The following PAXBP1 variants were observed in gnomAD, a reference collection of about 807,000 sequenced individuals.
The protein encoded by PAXBP1 is PAX3 and PAX7 binding protein 1, also known as PAX3- and PAX7-binding protein 1.
A neutral mutation model predicts 119.9 loss-of-function variants in PAXBP1; 44 were observed. The ratio of observed to expected loss-of-function variants is 0.37; its 90% CI spans 0.29 to 0.47. The LOEUF is 0.47. Ranked by LOEUF, PAXBP1 falls within the 20% of genes least tolerant of loss-of-function variation. The pLI, the probability that PAXBP1 is intolerant of heterozygous loss-of-function variation, is 0.99. For missense variants in PAXBP1, 898 were observed against 1,134.1 expected, an observed-to-expected ratio of 0.79 and a Z score of 2.99; for synonymous variants, 393 against 406.6, an observed-to-expected ratio of 0.97 and a Z score of 0.40.
At chr21:32,768,503 C>T (rs555573255) in intron 2 of PAXBP1, among the ~76,000 whole-genome samples, 1 of 152,266 alleles carries the variant, frequency 6.6e-6, no homozygotes, top group African/African-American at 2.4e-5. Flanking sequence ...TCCACTTCTC[C>T]CCCTAAAACA....
intron 15 of PAXBP1, among the ~76,000 whole-genome samples, chr21:32,739,940 A>AAAC (rs1352190435): frequency 6.2e-5 from 7 of 112,688 alleles, no homozygotes; most frequent in Non-Finnish European, 1.8e-5. Context: ...CGTCTCTTTA[A>AAAC]AAAAAAAAAA....
intron 3 of PAXBP1, 102 bp from the exon 4 acceptor site, chr21:32,762,419 G>A: frequency 6.9e-7 from 1 of 1,441,576 alleles, no homozygotes; most frequent in South Asian, 1.5e-5. Flanking sequence ...TCATCACAGT[G>A]ATGTTTCAGC....
intron 11 of PAXBP1, 60 bp from the exon 12 acceptor site, chr21:32,745,778 TATG>T (rs2043862882): frequency 1.3e-6 from 2 of 1,590,114 alleles, no homozygotes; most frequent in South Asian, 1.1e-5. Flanking sequence ...TGCTTCCAGC[TATG>T]ATAAGAGAAA....
intron 5 of PAXBP1, 23 bp downstream of exon 5, chr21:32,761,036 T>C: frequency 6.4e-7 from 1 of 1,563,070 alleles, no homozygotes; most frequent in Non-Finnish European, 8.7e-7. Context: ...CTTTTAATTT[T>C]TAGTTTAATT....
Position 32,734,100 on chromosome 21 carries a change from G to C in PAXBP1, c.*850C>G, listed in dbSNP as rs2043659188. On this transcript the variant is annotated 3_prime_UTR_variant, in exon 18 of 18. Transcript: ENST00000331923. Reference sequence around the variant, plus strand: ...ATGGATATTAAATTGCCTGGGTGTGGCTAATCAGCAAGGCGTATTCTTTAT... The same window carrying C: ...ATGGATATTAAATTGCCTGGGTGTGCCTAATCAGCAAGGCGTATTCTTTAT... 6.6e-6 allele frequency: 1 copy of C among 152,570 alleles called. No individual in the cohort carries two copies. Among genetic ancestry groups the C allele is most frequent in the Non-Finnish European group, 1.5e-5 (1 of 68,032 alleles). 9.5% of individuals were successfully genotyped at this position (152,570 alleles called of 1,614,324 possible).
chr21:32,738,750 A>G (rs1297195392), intron 15 of PAXBP1, among the ~76,000 whole-genome samples: 1 of 152,120 alleles, frequency 6.6e-6, no homozygotes, highest in African/African-American at 2.4e-5. Context: ...AACTACAACC[A>G]AGTTATATCA....
rs763065922 is a variant in PAXBP1 at position 32,771,418 on chromosome 21, TCC to T, written c.249_250del (p.Glu84AlafsTer33). 1 of 1,541,470 alleles carries T rather than the reference TCC, an allele frequency of 6.5e-7. No individual in the cohort carries two copies. The highest frequency in any genetic ancestry group is 1.9e-5 in the Admixed American group (1 of 52,244). Reference sequence around the variant, plus strand: ...GCGCGGCTTCAGCCCGTTGCCGGGCTCCGCGCCGCCGGGGAAGCCGCCCCCGG... The same window carrying T: ...GCGCGGCTTCAGCCCGTTGCCGGGCTGCGCCGCCGGGGAAGCCGCCCCCGG... On this transcript the variant is annotated frameshift_variant, in exon 1 of 18. Coordinates refer to ENST00000331923, the MANE Select transcript of PAXBP1 (RefSeq NM_016631.4). LOFTEE classifies it high-confidence loss of function.
chr21:32,760,149 G>A (rs1380196141), intron 5 of PAXBP1, among the ~76,000 whole-genome samples, 155 bp from the exon 6 acceptor site: 1 of 152,040 alleles, frequency 6.6e-6, no homozygotes, highest in Admixed American at 6.6e-5. Flanking sequence ...ATAAAAGCAG[G>A]ATTGAATGAA....
intron 11 of PAXBP1, among the ~76,000 whole-genome samples, chr21:32,748,249 C>T (rs1399534408): frequency 6.6e-6 from 1 of 151,754 alleles, no homozygotes. Context: ...TTTCAGCTGG[C>T]TGAAAAAAGG....
At chr21:32,763,688 A>C (rs1230996600) in intron 3 of PAXBP1, among the ~76,000 whole-genome samples, 1 of 152,178 alleles carries the variant, frequency 6.6e-6, no homozygotes, top group Non-Finnish European at 1.5e-5. Context: ...TGTGGACATA[A>C]AACTAACAGA....
rs1268609921 is a variant in PAXBP1 at position 32,734,380 on chromosome 21, T to C, written c.*570A>G. On this transcript the variant is annotated 3_prime_UTR_variant, in exon 18 of 18. Transcript: ENST00000331923. ...TCTAACGCTGATTCAAGGAAGAAAG[T>C]TCAACATTCACTCAATGACTAAGTC... 1 of 152,964 alleles carries C rather than the reference T, an allele frequency of 6.5e-6. No homozygotes were observed. Among genetic ancestry groups the C allele is most frequent in the African/African-American group, 2.4e-5 (1 of 41,464 alleles). The allele number at this position is 152,964 out of a possible 1,614,324, so 9.5% of individuals were successfully genotyped here. A position where few individuals can be genotyped will look rare whatever the true frequency, so the allele number is the denominator to read the frequency against.
chr21:32,753,437 A>AAC (rs2043991553), intron 8 of PAXBP1, among the ~76,000 whole-genome samples: 1 of 151,658 alleles, frequency 6.6e-6, no homozygotes, highest in African/African-American at 2.4e-5. Context: ...AAAAAAAAAA[A>AAC]AAAAAAAAAA....
At chr21:32,752,258 A>C (rs1432541917) in intron 8 of PAXBP1, 1 of 152,242 alleles carries the variant, frequency 6.6e-6, no homozygotes, top group Non-Finnish European at 1.5e-5. Flanking sequence ...GGGGATCCCC[A>C]GATTTTAGTG....
chr21:32,771,286 G>A (rs754214135), intron 1 of PAXBP1, 40 bp downstream of exon 1: 10 of 1,524,276 alleles, frequency 6.6e-6, no homozygotes, highest in Non-Finnish European at 7.9e-6. Flanking sequence ...CCTGCGTCGG[G>A]GATGCGGCCG....
At position 32,761,173 on chromosome 21, in the gene PAXBP1, G is replaced by A. The variant is rs1164699814; in HGVS notation, c.872-11C>T. 1.2e-6 allele frequency: 2 copies of A among 1,604,682 alleles called. No individual in the cohort carries two copies. The highest frequency in any genetic ancestry group is 3.4e-5 in the Admixed American group (2 of 59,378). ...CACTCCCCTCAATTCCTACAGCCATGAGCAACAAAGAAAAGTAAGTAACAC... is the reference window on the plus strand; with the variant it reads ...CACTCCCCTCAATTCCTACAGCCATAAGCAACAAAGAAAAGTAAGTAACAC... On this transcript the variant is annotated splice_polypyrimidine_tract_variant and intron_variant, in intron 4 of 17. Transcript: ENST00000331923.
chr21:32,769,844 T>A lies in PAXBP1; in HGVS notation c.442A>T (p.Ile148Phe). The A allele has an allele frequency of 6.2e-7, 1 of 1,602,806 alleles. No homozygotes were observed. The highest frequency in any genetic ancestry group is 8.5e-7 in the Non-Finnish European group (1 of 1,176,986). ...GCTGATGAGTTGAGTTCTGTCTTAA[T>A]CTTCGATTTTTCAAGATCTTCTTTA... Reference protein sequence around the residue: ...EYKEDLEKSKIKTELNSSAES... With the variant: ...EYKEDLEKSKFKTELNSSAES... Residue 148 changes from isoleucine to phenylalanine, a missense_variant, in exon 2 of 18, where the codon ATT (isoleucine) becomes TTT (phenylalanine). By Grantham distance (21) the Ile-to-Phe change is conservative. Transcript: ENST00000331923.
At chr21:32,754,756 C>T (rs1470847804) in intron 8 of PAXBP1, among the ~76,000 whole-genome samples, 1 of 152,100 alleles carries the variant, frequency 6.6e-6, no homozygotes, top group Admixed American at 6.5e-5. Flanking sequence ...CAAAACTCTC[C>T]TATCTTGGAG....
In PAXBP1 at chr21:32,745,961, C is replaced by T. The variant is rs139390198; in HGVS notation, c.1924-243G>A. Among the ~76,000 whole-genome samples the T allele has an allele frequency of 6.6e-5, 10 of 152,174 alleles. No homozygotes were observed. The East Asian group carries it at 1.5e-3, about 24-fold the overall frequency. On this transcript the variant is annotated intron_variant, in intron 11 of 17. Transcript: ENST00000331923. Reference sequence around the variant, plus strand: ...AGAATAGAGAACTCAGCAATAAGACCGCACACCTACAACCATCTGATCTCC... The same window carrying T: ...AGAATAGAGAACTCAGCAATAAGACTGCACACCTACAACCATCTGATCTCC...
Position 32,745,733 on chromosome 21 carries a change from A to G in PAXBP1, c.1924-15T>C. 3.1e-6 allele frequency: 5 copies of G among 1,613,538 alleles called. No individual in the cohort carries two copies. The highest frequency in any genetic ancestry group is 3.4e-6 in the Non-Finnish European group (4 of 1,179,742). ...CGACATTTTGCCTAAAAGACATTTA[A>G]AAGGTTACCCAAATACTAAAATAGT... On this transcript the variant is annotated splice_polypyrimidine_tract_variant and intron_variant, in intron 11 of 17. Transcript: ENST00000331923.
Sources: gnomAD v4.1 joint callset for allele counts (sites outside exome capture counted in the v4.1 genomes callset) on GRCh38, gnomAD v4.1.1 for gene constraint, MANE v1.5 for transcripts, NCBI Gene and HGNC (gene_info 2026-07-23, HGNC 2026-07-21) for gene names.